Variants in ASIC1 observed in about 807,000 individuals in gnomAD.
ASIC1 encodes the protein acid-sensing ion channel 1.
In ASIC1, 21 loss-of-function variants were observed where a neutral mutation model predicts 63.4. The ratio of observed to expected loss-of-function variants is 0.33; its 90% CI spans 0.23 to 0.48. The LOEUF is 0.48. ASIC1 is among the 20% of genes least tolerant of loss of function. The pLI is 0.99. For synonymous variants in ASIC1, 258 were observed against 278.2 expected, an observed-to-expected ratio of 0.93 and a Z score of 0.72; for missense variants, 478 against 695.5, an observed-to-expected ratio of 0.69 and a Z score of 3.52.
In ASIC1 at chr12:50,074,056, G is replaced by T; in HGVS notation, c.559-3157G>T. On this transcript the variant is annotated intron_variant, in intron 3 of 11. Transcript: ENST00000447966. The surrounding 1 kb of genome is among the most constrained non-coding windows in gnomAD (Gnocchi z 4.2). ...CAGCTACCCTGACTTGCTTTATTTG[G>T]CCCCCATGCTGGGACTGGATGAAAG... 1 of 1,534,554 alleles carries T rather than the reference G, an allele frequency of 6.5e-7. No homozygotes were observed. The highest frequency in any genetic ancestry group is 8.7e-7 in the Non-Finnish European group (1 of 1,145,890).
Position 50,081,106 on chromosome 12 carries a change from C to T in ASIC1, c.1302C>T (p.Asp434=). ...KAYEIAGLLG[D]IGGQMGLFIG... The stretch of plus-strand genomic sequence containing the variant: ...CCCTGGCGCCTGCCCCCGCAGGTGA[C>T]ATCGGGGGCCAGATGGGGCTGTTCA... The change falls in exon 10 of 12, where the codon GAC becomes GAT. Residue 434 remains aspartate, a synonymous_variant. Coordinates refer to ENST00000447966, the MANE Select transcript of ASIC1 (RefSeq NM_001095.4). 1 of 1,604,688 alleles carries T rather than the reference C, an allele frequency of 6.2e-7. No homozygotes were observed. The highest frequency in any genetic ancestry group is 8.5e-7 in the Non-Finnish European group (1 of 1,176,262).
intron 7 of ASIC1, among the ~76,000 whole-genome samples, chr12:50,079,397 A>T (rs780803309): frequency 2.0e-5 from 3 of 152,120 alleles, no homozygotes; most frequent in Non-Finnish European, 2.9e-5. Flanking sequence ...TGGGTGACAG[A>T]GCAAGACCCT....
intron 3 of ASIC1, among the ~76,000 whole-genome samples, chr12:50,065,667 A>T (rs1279387409): frequency 6.6e-6 from 1 of 152,228 alleles, no homozygotes; most frequent in Non-Finnish European, 1.5e-5. Flanking sequence ...CAGGCTCTCC[A>T]AGGCCACTCT....
intron 3 of ASIC1, among the ~76,000 whole-genome samples, chr12:50,067,343 A>AT (rs890360723): frequency 4.7e-5 from 7 of 150,176 alleles, no homozygotes; most frequent in East Asian, 1.9e-4. Flanking sequence ...TCCAGCAAAT[A>AT]TTTTTTTTAT....
rs899057063 is a variant in ASIC1 at position 50,074,010 on chromosome 12, T to A, written c.559-3203T>A. The A allele has an allele frequency of 3.3e-6, 5 of 1,535,364 alleles. No individual in the cohort carries two copies. The highest frequency in any genetic ancestry group is 4.4e-6 in the Non-Finnish European group (5 of 1,146,360). On this transcript the variant is annotated intron_variant, in intron 3 of 11. Transcript: ENST00000447966. This position sits in a 1 kb window ranked among gnomAD's most constrained non-coding sequence, Gnocchi z 4.2. ...CGGCAGTCACCCTCTGCAACACTAA[T>A]GCTGTGCGGCTGTCCCAGCTCAGCT...
chr12:50,079,921 C>A lies in ASIC1; in HGVS notation c.1071C>A (p.Asp357Glu). Residue 357 changes from aspartate (D) to glutamate (E), a missense_variant, in exon 8 of 12, where the codon GAC (aspartate) becomes GAA (glutamate). Physicochemically the swap from Asp to Glu is conservative, Grantham distance 45. Transcript: ENST00000447966. ...DPALDFLVEK[D>E]QEYCVCEMPC... ...GTGCAGACTTCCTGGTGGAGAAGGA[C>A]CAGGAGTACTGCGTGTGTGAAATGC... The A allele has an allele frequency of 1.2e-6, 2 of 1,610,792 alleles. No individual in the cohort carries two copies. Among genetic ancestry groups the A allele is most frequent in the Non-Finnish European group, 1.7e-6 (2 of 1,178,164 alleles).
At chr12:50,075,509 C>T (rs754811537) in intron 3 of ASIC1, among the ~76,000 whole-genome samples, 2 of 152,216 alleles carry the variant, frequency 1.3e-5, no homozygotes, top group African/African-American at 2.4e-5. Context: ...GGCTGGGTGC[C>T]GCAAGACCTG....
Position 50,078,337 on chromosome 12 carries a change from G to A in ASIC1, c.838-84G>A. 2 of 1,570,316 alleles carry A rather than the reference G, an allele frequency of 1.3e-6. 1 individual carries two copies. The highest frequency in any genetic ancestry group is 2.4e-5 in the South Asian group (2 of 84,252). On this transcript the variant is annotated intron_variant, in intron 5 of 11. Transcript: ENST00000447966. This position sits in a 1 kb window ranked among gnomAD's most constrained non-coding sequence, Gnocchi z 6.0. ...AGGGAGAGGGGAGCAGAACTCCAGA[G>A]ATCTGCATCTTGTCAGAGGAGTCCA...
Position 50,073,927 on chromosome 12 carries a change from C to CCACACGTGGG in ASIC1, c.559-3286_559-3285insCACACGTGGG. 3 of 1,535,894 alleles carry CCACACGTGGG rather than the reference C, an allele frequency of 2.0e-6. No individual in the cohort carries two copies. In the South Asian group the frequency reaches 3.6e-5, roughly 18 times the overall value. On this transcript the variant is annotated intron_variant, in intron 3 of 11. Coordinates refer to ENST00000447966, the MANE Select transcript of ASIC1 (RefSeq NM_001095.4). ...GGTAGGGGACCGCGTTGCTTATTAC[C>CCACACGTGGG]TCAGCTACCCACACGTGACCCTTCT... is the stretch of plus-strand genomic sequence containing the variant.
chr12:50,074,281 A>G lies in ASIC1; in HGVS notation c.559-2932A>G. The stretch of plus-strand genomic sequence containing the variant: ...CCCATGCCTGCCACAGTACCCCAAG[A>G]GTGTCTGCCATGGCTGTCCCTGACT... On this transcript the variant is annotated intron_variant, in intron 3 of 11. Coordinates refer to ENST00000447966, the MANE Select transcript of ASIC1 (RefSeq NM_001095.4). This position sits in a 1 kb window ranked among gnomAD's most constrained non-coding sequence, Gnocchi z 4.2. 1 of 1,437,656 alleles carries G rather than the reference A, an allele frequency of 7.0e-7. No homozygotes were observed. Among genetic ancestry groups the G allele is most frequent in the South Asian group, 1.4e-5 (1 of 69,302 alleles). The allele number at this position is 1,437,656 out of a possible 1,614,324, so 89.1% of individuals were successfully genotyped here. A position where few individuals can be genotyped will look rare whatever the true frequency, so the allele number is the denominator to read the frequency against.
In ASIC1 at chr12:50,059,672, G is replaced by A. The variant is rs532507671; in HGVS notation, c.363-87G>A. 7.3e-5 allele frequency: 102 copies of A among 1,391,976 alleles called. No homozygotes were observed. In the African/African-American group the frequency reaches 1.3e-3, roughly 17 times the overall value. 86.2% of individuals were successfully genotyped at this position (1,391,976 alleles called of 1,614,324 possible). A position where few individuals can be genotyped will look rare whatever the true frequency, so the allele number is the denominator to read the frequency against. On this transcript the variant is annotated intron_variant, in intron 2 of 11. Transcript: ENST00000447966. The surrounding 1 kb of genome is among the most constrained non-coding windows in gnomAD (Gnocchi z 4.6). ...TGCCTACACCTGGGACTGATCCCCA[G>A]GGCTGGAGGCTGCCCCCATCACCCA...
intron 3 of ASIC1, among the ~76,000 whole-genome samples, chr12:50,064,624 G>C (rs888359230): frequency 6.6e-6 from 1 of 152,212 alleles, no homozygotes; most frequent in Admixed American, 6.5e-5. Context: ...TTGGGACTTT[G>C]TCACTGCCCA....
At chr12:50,073,896 G>A in intron 3 of ASIC1, 2 of 1,534,752 alleles carry the variant, frequency 1.3e-6, no homozygotes, top group Non-Finnish European at 1.7e-6. Context: ...GTGCCTTCCT[G>A]TGCCAGGTAG....
At chr12:50,065,120 C>T (rs1033072918) in intron 3 of ASIC1, among the ~76,000 whole-genome samples, 2 of 152,194 alleles carry the variant, frequency 1.3e-5, no homozygotes, top group African/African-American at 4.8e-5. Context: ...CCCCAGCTAA[C>T]TAAATCAACC....
chr12:50,061,139 G>C (rs145425782), intron 3 of ASIC1, among the ~76,000 whole-genome samples: 20 of 152,190 alleles, frequency 1.3e-4, no homozygotes, highest in Non-Finnish European at 2.6e-4. Flanking sequence ...TGCTCTCCAT[G>C]CCTACTCAGC....
chr12:50,059,007 G>A lies in ASIC1; in HGVS notation c.241G>A (p.Ala81Thr). ...YHHVTKLDEV[A>T]ASQLTFPAVT... ...CCATGTCACCAAGCTCGACGAGGTGGCTGCCTCTCAGCTTACCTTCCCTGC... is the reference window on the plus strand; with the variant it reads ...CCATGTCACCAAGCTCGACGAGGTGACTGCCTCTCAGCTTACCTTCCCTGC... The change falls in exon 2 of 12, where the codon GCT (alanine) becomes ACT (threonine). Residue 81 changes from alanine (A) to threonine (T), a missense_variant. Physicochemically the swap from Ala to Thr is moderately conservative, Grantham distance 58. Around this residue, in one of 3 missense-constraint regions of ASIC1, gnomAD observed 290 missense variants for 414.9 expected, o/e 0.70. Coordinates refer to ENST00000447966, the MANE Select transcript of ASIC1 (RefSeq NM_001095.4). This position sits in a 1 kb window ranked among gnomAD's most constrained non-coding sequence, Gnocchi z 4.6. 1.2e-6 allele frequency: 2 copies of A among 1,614,176 alleles called. No homozygotes were observed. The highest frequency in any genetic ancestry group is 1.7e-6 in the Non-Finnish European group (2 of 1,180,030).
chr12:50,081,251 C>T lies in ASIC1; in HGVS notation c.1378-9C>T, dbSNP rs1379129478. 1 of 1,606,034 alleles carries T rather than the reference C, an allele frequency of 6.2e-7. No homozygotes were observed. The highest frequency in any genetic ancestry group is 2.2e-5 in the East Asian group (1 of 44,518). ...TCCAGCCCGCCCACCTGCCCCGTCC[C>T]CGTCCTAGGTCATTAAGCACAAGCT... On this transcript the variant is annotated splice_polypyrimidine_tract_variant and intron_variant, in intron 10 of 11. Transcript: ENST00000447966.
chr12:50,081,453 AC>A, intron 11 of ASIC1, 89 bp downstream of exon 11: 1 of 441,714 alleles, frequency 2.3e-6, no homozygotes, highest in Non-Finnish European at 3.6e-6. Flanking sequence ...CGCCTCTGCC[AC>A]CACCTTCTCT....
At chr12:50,070,059 G>A (rs1950583886) in intron 3 of ASIC1, among the ~76,000 whole-genome samples, 1 of 152,116 alleles carries the variant, frequency 6.6e-6, no homozygotes, top group Admixed American at 6.5e-5. Flanking sequence ...CAGACATGAG[G>A]GGTGGCTGGA....
Sources: allele counts gnomAD v4.1 joint callset (sites outside exome capture counted in the v4.1 genomes callset), GRCh38; gene constraint gnomAD v4.1.1; regional missense constraint gnomAD v4.1.1; non-coding constraint Gnocchi (gnomAD v3.1); transcripts MANE v1.5; gene names NCBI Gene and HGNC (gene_info 2026-07-23, HGNC 2026-07-21).